Variants in FERMT3 observed in about 807,000 individuals in gnomAD.
The protein encoded by FERMT3 is FERM domain containing kindlin 3.
FERMT3 carries 33 observed loss-of-function variants against 80.8 expected under a neutral mutation model. The observed-to-expected ratio is 0.41, with a 90% CI of 0.31 to 0.55. FERMT3 has a LOEUF of 0.55. Among genes scored for constraint, FERMT3 ranks in the 20% least tolerant of loss-of-function variants. FERMT3 has a pLI of 0.31. For synonymous variants in FERMT3, 375 were observed against 372.2 expected (o/e 1.01, Z -0.09); for missense variants, 754 against 908.7 (o/e 0.83, Z 2.19).
In FERMT3 at chr11:64,211,827, G is replaced by A; in HGVS notation, c.786+80G>A. Reference sequence around the variant, plus strand: ...GGGCCTGGGGTATGGGCTCTGGGATGTTAGTGACTTGTAGTGGCCTGTCCG... The same window carrying A: ...GGGCCTGGGGTATGGGCTCTGGGATATTAGTGACTTGTAGTGGCCTGTCCG... On this transcript the variant is annotated intron_variant, in intron 6 of 14. Transcript: ENST00000345728. The surrounding 1 kb of genome is among the most constrained non-coding windows in gnomAD (Gnocchi z 4.7). The A allele has an allele frequency of 7.3e-7, 1 of 1,373,760 alleles. No homozygotes were observed. Among genetic ancestry groups the A allele is most frequent in the South Asian group, 1.2e-5 (1 of 85,574 alleles). The allele number at this position is 1,373,760 out of a possible 1,614,324, so 85.1% of individuals were successfully genotyped here.
At position 64,223,596 on chromosome 11, in the gene FERMT3, C is replaced by T. The variant is rs939391707; in HGVS notation, c.*104C>T. 8.0e-6 allele frequency: 11 copies of T among 1,368,252 alleles called. No individual in the cohort carries two copies. The highest frequency in any genetic ancestry group is 7.0e-6 in the Non-Finnish European group (7 of 996,054). 84.8% of individuals were successfully genotyped at this position (1,368,252 alleles called of 1,614,324 possible). On this transcript the variant is annotated 3_prime_UTR_variant, in exon 15 of 15. Coordinates refer to ENST00000345728, the MANE Select transcript of FERMT3 (RefSeq NM_031471.6). ...CCCACACCCGCTCCAGGCAGGCACCCAGCTGGGCATTTCACCTGCTGTCAC... is the reference window on the plus strand; with the variant it reads ...CCCACACCCGCTCCAGGCAGGCACCTAGCTGGGCATTTCACCTGCTGTCAC...
rs765456169 is a variant in FERMT3 at position 64,220,205 on chromosome 11, C to T, written c.1205-15C>T. The T allele has an allele frequency of 6.2e-7, 1 of 1,613,268 alleles. No homozygotes were observed. Among genetic ancestry groups the T allele is most frequent in the Non-Finnish European group, 8.5e-7 (1 of 1,179,436 alleles). On this transcript the variant is annotated splice_polypyrimidine_tract_variant and intron_variant, in intron 10 of 14. Transcript: ENST00000345728. Reference sequence around the variant, plus strand: ...CCCCTCCCGACCTCCTAGACCACCCCTTCTCTCCCTCCAGGCTGTGAGGTG... The same window carrying T: ...CCCCTCCCGACCTCCTAGACCACCCTTTCTCTCCCTCCAGGCTGTGAGGTG...
chr11:64,223,100 A>C lies in FERMT3; in HGVS notation c.1723A>C (p.Ile575Leu). Residue 575 changes from isoleucine (I) to leucine (L), a missense_variant, in exon 14 of 15, where the codon ATC becomes CTC. Coordinates refer to ENST00000345728, the MANE Select transcript of FERMT3 (RefSeq NM_031471.6). ...EILGIANNRLIRIDLAVGDVV... is the reference protein window; with the variant it reads ...EILGIANNRLLRIDLAVGDVV... ...CCTGGGCATCGCCAACAACCGACTGATCCGCATCGACTTGGCCGTGGGCGA... is the reference window on the plus strand; with the variant it reads ...CCTGGGCATCGCCAACAACCGACTGCTCCGCATCGACTTGGCCGTGGGCGA... The C allele has an allele frequency of 1.2e-6, 2 of 1,613,930 alleles. No individual in the cohort carries two copies. Among genetic ancestry groups the C allele is most frequent in the East Asian group, 4.5e-5 (2 of 44,880 alleles).
rs772807042 is a variant in FERMT3 at position 64,221,079 on chromosome 11, C to T, written c.1609C>T (p.Leu537=). The change falls in exon 13 of 15, where the codon CTG becomes TTG. Residue 537 remains leucine, a synonymous_variant. Coordinates refer to ENST00000345728, the MANE Select transcript of FERMT3 (RefSeq NM_031471.6). The part of the protein sequence containing the change: ...VAQLSLAEAQ[L]RFIQAWQSLP... ...CCAGTTGTCGCTGGCAGAGGCCCAG[C>T]TGCGCTTCATCCAGGCCTGGCAGTC... 8.7e-6 allele frequency: 14 copies of T among 1,612,502 alleles called. No individual in the cohort carries two copies. The highest frequency in any genetic ancestry group is 1.2e-5 in the Non-Finnish European group (14 of 1,180,022).
intron 6 of FERMT3, among the ~76,000 whole-genome samples, chr11:64,215,875 A>G (rs1447256063): frequency 6.6e-6 from 1 of 150,810 alleles, no homozygotes; most frequent in Non-Finnish European, 1.5e-5. Context: ...TGTCACACTC[A>G]GGCTGGAGTG....
chr11:64,222,798 A>C (rs1000071395), intron 13 of FERMT3, among the ~76,000 whole-genome samples: 18 of 152,242 alleles, frequency 1.2e-4, no homozygotes, highest in African/African-American at 4.1e-4. Context: ...AACCAAAAAA[A>C]GTTACCATTT....
chr11:64,219,562 G>T lies in FERMT3; in HGVS notation c.933G>T (p.Gly311=). The change falls in exon 8 of 15, where the codon GGG becomes GGT. Residue 311 remains glycine, a synonymous_variant. Coordinates refer to ENST00000345728, the MANE Select transcript of FERMT3 (RefSeq NM_031471.6). This position sits in a 1 kb window ranked among gnomAD's most constrained non-coding sequence, Gnocchi z 4.0. The part of the protein sequence containing the change: ...INKLSQSGEV[G]EPAGTDPGLD... ...AGCTGTCCCAGAGCGGGGAGGTGGG[G>T]GAGCCGGCTGGCACAGACCCAGGGC... is the stretch of plus-strand genomic sequence containing the variant. 6.2e-7 allele frequency: 1 copy of T among 1,611,790 alleles called. No homozygotes were observed.
intron 6 of FERMT3, among the ~76,000 whole-genome samples, chr11:64,212,578 C>G (rs993290129): frequency 6.6e-6 from 1 of 152,238 alleles, no homozygotes; most frequent in Admixed American, 6.5e-5. Context: ...TGACCACTTA[C>G]TTGCAGCATA....
chr11:64,218,250 G>A (rs1028698095), intron 6 of FERMT3, among the ~76,000 whole-genome samples: 1 of 151,834 alleles, frequency 6.6e-6, no homozygotes, highest in African/African-American at 2.4e-5. Flanking sequence ...GTGATCCACC[G>A]ACCTCGGCCT....
At chr11:64,212,875 CTTTA>C (rs1393279428) in intron 6 of FERMT3, among the ~76,000 whole-genome samples, 2 of 151,910 alleles carry the variant, frequency 1.3e-5, no homozygotes, top group South Asian at 2.1e-4. Flanking sequence ...CTCTCCTAAG[CTTTA>C]TTTATTTATA....
chr11:64,215,364 A>G (rs1331847297), intron 6 of FERMT3, among the ~76,000 whole-genome samples: 2 of 152,184 alleles, frequency 1.3e-5, no homozygotes, highest in Non-Finnish European at 1.5e-5. Context: ...TTTCTGTTCA[A>G]ACATTTTGAC....
chr11:64,220,871 G>A, intron 12 of FERMT3, 145 bp from the exon 13 acceptor site: 1 of 1,478,394 alleles, frequency 6.8e-7, no homozygotes, highest in Non-Finnish European at 9.2e-7. Flanking sequence ...GCCTGGCGCA[G>A]TGCAGATCTG....
chr11:64,213,090 CT>C (rs1946477622), intron 6 of FERMT3, among the ~76,000 whole-genome samples: 1 of 150,360 alleles, frequency 6.7e-6, no homozygotes, highest in African/African-American at 2.5e-5. Context: ...GAGTCTTGCT[CT>C]GTTGCCCAAG....
intron 6 of FERMT3, among the ~76,000 whole-genome samples, chr11:64,212,890 T>G (rs1434061896): frequency 6.6e-6 from 1 of 151,954 alleles, no homozygotes; most frequent in Non-Finnish European, 1.5e-5. Context: ...TTTATTTATA[T>G]ATTTATTTAT....
At chr11:64,212,512 G>A (rs1053600366) in intron 6 of FERMT3, among the ~76,000 whole-genome samples, 33 of 152,204 alleles carry the variant, frequency 2.2e-4, no homozygotes, top group African/African-American at 7.5e-4. Flanking sequence ...CACCTGCTGA[G>A]GTGGCCACGT....
In FERMT3 at chr11:64,210,956, C is replaced by T. The variant is rs1946422031; in HGVS notation, c.395-96C>T. ...TGTCCTTGCTGTCTGGGTTGCCACC[C>T]TGCCTGCAGGGCTGTGACCCGCCCC... On this transcript the variant is annotated intron_variant, in intron 3 of 14. Transcript: ENST00000345728. This position sits in a 1 kb window ranked among gnomAD's most constrained non-coding sequence, Gnocchi z 4.3. 1.9e-6 allele frequency: 3 copies of T among 1,606,972 alleles called. No individual in the cohort carries two copies. The highest frequency in any genetic ancestry group is 1.1e-5 in the South Asian group (1 of 90,352).
intron 6 of FERMT3, among the ~76,000 whole-genome samples, chr11:64,218,001 T>TC (rs1479208457): frequency 4.9e-5 from 3 of 61,572 alleles, no homozygotes; most frequent in Non-Finnish European, 8.4e-5. Flanking sequence ...TCCTTTTTCC[T>TC]TTTTTTTTTT....
chr11:64,220,416 C>T lies in FERMT3; in HGVS notation c.1312-20C>T. The stretch of plus-strand genomic sequence containing the variant: ...GCATCAAGCTTGGTTAGCACTGTCC[C>T]CCTCACCCCTCTCGCCCAGGAGCAG... On this transcript the variant is annotated intron_variant, in intron 11 of 14. Transcript: ENST00000345728. The T allele has an allele frequency of 6.2e-7, 1 of 1,609,892 alleles. No homozygotes were observed. The highest frequency in any genetic ancestry group is 8.5e-7 in the Non-Finnish European group (1 of 1,179,024).
chr11:64,219,718 T>C lies in FERMT3; in HGVS notation c.1030-22T>C, dbSNP rs1162120393. Reference sequence around the variant, plus strand: ...AGAACTGTGAGGTACCGGGTGCCCCTCTGACTCTGGTCCTCCCATAGGACA... The same window carrying C: ...AGAACTGTGAGGTACCGGGTGCCCCCCTGACTCTGGTCCTCCCATAGGACA... On this transcript the variant is annotated intron_variant, in intron 8 of 14. Coordinates refer to ENST00000345728, the MANE Select transcript of FERMT3 (RefSeq NM_031471.6). This position sits in a 1 kb window ranked among gnomAD's most constrained non-coding sequence, Gnocchi z 4.0. 1 of 1,613,560 alleles carries C rather than the reference T, an allele frequency of 6.2e-7. No homozygotes were observed. The highest frequency in any genetic ancestry group is 8.5e-7 in the Non-Finnish European group (1 of 1,179,900).
Sources: gnomAD v4.1 joint callset for allele counts (sites outside exome capture counted in the v4.1 genomes callset) on GRCh38, gnomAD v4.1.1 for gene constraint, Gnocchi (gnomAD v3.1) non-coding constraint, MANE v1.5 for transcripts, NCBI Gene and HGNC (gene_info 2026-07-23, HGNC 2026-07-21) for gene names.